ARMH1: variants seen among roughly 807,000 people sequenced by gnomAD.
The protein encoded by ARMH1 is armadillo-like helical domain containing protein 1.
In ARMH1, 34 loss-of-function variants were observed where a neutral mutation model predicts 50.2. The ratio of observed to expected loss-of-function variants is 0.68; its 90% CI spans 0.51 to 0.90. The LOEUF (loss-of-function observed/expected upper bound fraction) is 0.90, where lower values mean the gene tolerates loss of function less well. ARMH1 is among the 40% of genes least tolerant of loss of function. The probability of loss-of-function intolerance (pLI) is 0.00; values close to 1 mark genes in which losing one functional copy is unlikely to be tolerated. For synonymous variants in ARMH1, 221 were observed against 224.2 expected (o/e 0.99, Z 0.13); for missense variants, 538 against 553.9 (o/e 0.97, Z 0.29).
chr1:44,690,939 C>G (rs1480376573), intron 2 of ARMH1, among the ~76,000 whole-genome samples: 1 of 151,510 alleles, frequency 6.6e-6, no homozygotes, highest in African/African-American at 2.4e-5. Flanking sequence ...AGGCATAAGA[C>G]ACCGCGCCCA....
rs1647806707 is a variant in ARMH1, at chr1:44,723,947, CCCT to C, written c.725-168_725-166del. The C allele has an allele frequency of 2.2e-5, 17 of 756,420 alleles. No individual in the cohort carries two copies. The South Asian group carries it at 3.7e-4, about 16-fold the overall frequency. The allele number at this position is 756,420 out of a possible 1,614,324, so 46.9% of individuals were successfully genotyped here. On this transcript the variant is annotated intron_variant, in intron 6 of 11. Transcript: ENST00000535358. Reference sequence around the variant, plus strand: ...AACCCTTCCTCCTCCCCCTTCAGCCCCCTCCTCCTGCTCTTCAACTGAGGTTCG... The same window carrying C: ...AACCCTTCCTCCTCCCCCTTCAGCCCCCTCCTGCTCTTCAACTGAGGTTCG...
intron 5 of ARMH1, among the ~76,000 whole-genome samples, chr1:44,702,545 C>T (rs1162733326): frequency 6.6e-6 from 1 of 151,714 alleles, no homozygotes; most frequent in East Asian, 1.9e-4. Context: ...AACTCTGTCT[C>T]TACTAAAAAT....
intron 6 of ARMH1, 164 bp from the exon 7 acceptor site, chr1:44,723,958 C>T (rs538513163): frequency 1.6e-5 from 13 of 827,766 alleles, no homozygotes; most frequent in African/African-American, 1.8e-5. Context: ...CCTCCTCCTG[C>T]TCTTCAACTG....
chr1:44,690,402 G>C (rs1179766562), intron 2 of ARMH1, among the ~76,000 whole-genome samples: 3 of 151,872 alleles, frequency 2.0e-5, no homozygotes, highest in Admixed American at 2.0e-4. Context: ...ACCTATAATT[G>C]TATTTCTTTC....
chr1:44,721,700 A>C (rs192346231), intron 6 of ARMH1: 1 of 152,084 alleles, frequency 6.6e-6, no homozygotes, highest in African/African-American at 2.4e-5. Context: ...CTCCGCTACA[A>C]CCTGGGTGAC....
Position 44,725,375 on chromosome 1 carries a change from T to TC in ARMH1, c.1296dup (p.Glu433ArgfsTer66). 6.4e-7 allele frequency: 1 copy of TC among 1,551,636 alleles called. No homozygotes were observed. The highest frequency in any genetic ancestry group is 8.7e-7 in the Non-Finnish European group (1 of 1,146,980). On this transcript the variant is annotated frameshift_variant, in exon 12 of 12. Transcript: ENST00000535358. LOFTEE classifies it low-confidence loss of function (END_TRUNC). ...GCTCAGATGGCCTACCTCACACACT[T>TC]CGAGGAGGATGTAGAATCAAAGGAG...
chr1:44,697,239 C>A, intron 3 of ARMH1, 69 bp downstream of exon 3: 1 of 1,248,338 alleles, frequency 8.0e-7, no homozygotes, highest in Non-Finnish European at 1.1e-6. Context: ...CTTTGGCATT[C>A]ACACCACCCA....
In ARMH1 at chr1:44,724,816, G is replaced by A. The variant is rs1425728619; in HGVS notation, c.1105G>A (p.Glu369Lys). 4 of 1,542,664 alleles carry A rather than the reference G, an allele frequency of 2.6e-6. No individual in the cohort carries two copies. The highest frequency in any genetic ancestry group is 2.0e-5 in the Admixed American group (1 of 50,960). ...VAEHVRKCMG[E>K]ELYQLFLSNA... is the part of the protein sequence containing the mutation. ...GGAGCACGTGCGCAAGTGCATGGGG[G>A]AGGAACTCTACCAGCTCTTCCTGGT... The change falls in exon 10 of 12, where the codon GAG (glutamate) becomes AAG (lysine). Residue 369 changes from glutamate (E) to lysine (K), a missense_variant. By Grantham distance (56) the Glu-to-Lys change is moderately conservative. Transcript: ENST00000535358. This position sits in a 1 kb window ranked among gnomAD's most constrained non-coding sequence, Gnocchi z 6.4.
At chr1:44,701,160 G>A (rs975760904) in intron 5 of ARMH1, 41 bp downstream of exon 5, 3 of 1,491,328 alleles carry the variant, frequency 2.0e-6, no homozygotes, top group African/African-American at 2.8e-5. Flanking sequence ...TGATTCAGAT[G>A]CAATAATCTT....
intron 6 of ARMH1, among the ~76,000 whole-genome samples, chr1:44,719,038 A>AAAAAAAAAAAAAC: frequency 6.6e-6 from 1 of 151,636 alleles, no homozygotes; most frequent in Non-Finnish European, 1.5e-5. Context: ...AAAAAAAAAA[A>AAAAAAAAAAAAAC]AAAAAAAAAG....
At position 44,681,307 on chromosome 1, in the gene ARMH1, T is replaced by C. The variant is rs1482419776; in HGVS notation, c.-23+6434T>C. On this transcript the variant is annotated intron_variant, in intron 1 of 11. Transcript: ENST00000535358. This position sits in a 1 kb window ranked among gnomAD's most constrained non-coding sequence, Gnocchi z 4.3. ...ACTGCGCCCGGCCGTGAGGCTCCAT[T>C]TCTAAAAAATTTTTTTAAGTTAGCC... is the stretch of plus-strand genomic sequence containing the variant. Among the ~76,000 whole-genome samples, 1 of 151,994 alleles carries C rather than the reference T, an allele frequency of 6.6e-6. No individual in the cohort carries two copies. Among genetic ancestry groups the C allele is most frequent in the African/African-American group, 2.4e-5 (1 of 41,386 alleles).
In ARMH1 at chr1:44,680,321, C is replaced by T. The variant is rs2883747; in HGVS notation, c.-23+5448C>T. 6.1e-3 allele frequency among the ~76,000 whole-genome samples: 929 copies of T among 152,284 alleles called. 10 individuals carry two copies. Among genetic ancestry groups the T allele is most frequent in the African/African-American group, 0.021 (874 of 41,556 alleles). ...CCTCCCGAGTAGCTGGGACTACAGG[C>T]GCGTGCCACCACACCCAGCTAATTT... On this transcript the variant is annotated intron_variant, in intron 1 of 11. Coordinates refer to ENST00000535358, the MANE Select transcript of ARMH1 (RefSeq NM_001145636.2).
intron 2 of ARMH1, among the ~76,000 whole-genome samples, chr1:44,693,194 G>C (rs891683645): frequency 6.6e-6 from 1 of 152,240 alleles, no homozygotes; most frequent in African/African-American, 2.4e-5. Context: ...TGTAGTGCCA[G>C]TGGTCCCCGG....
At chr1:44,716,841 ATTCTTTT>A (rs1220129199) in intron 6 of ARMH1, among the ~76,000 whole-genome samples, 15 of 149,430 alleles carry the variant, frequency 1.0e-4, no homozygotes, top group African/African-American at 3.5e-4. Flanking sequence ...AATCCGAACT[ATTCTTTT>A]TTCTTTTTTT....
intron 6 of ARMH1, among the ~76,000 whole-genome samples, chr1:44,712,535 CAA>C (rs35480137): frequency 0.012 from 764 of 64,800 alleles, 4 homozygotes; most frequent in African/African-American, 0.036. Flanking sequence ...CAGGGAACCG[CAA>C]AAAAAAAAAA....
chr1:44,690,098 A>G (rs1271924225), intron 2 of ARMH1, among the ~76,000 whole-genome samples, 195 bp downstream of exon 2: 2 of 151,972 alleles, frequency 1.3e-5, no homozygotes, highest in African/African-American at 4.8e-5. Context: ...GGTGCCTGTA[A>G]CCCCAACTAC....
At chr1:44,709,050 T>C (rs1646466405) in intron 6 of ARMH1, among the ~76,000 whole-genome samples, 1 of 152,174 alleles carries the variant, frequency 6.6e-6, no homozygotes, top group South Asian at 2.1e-4. Context: ...TTTAGGGATG[T>C]ACACCCCTCC....
chr1:44,689,600 T>C (rs1645589315), intron 1 of ARMH1, 76 bp from the exon 2 acceptor site: 4 of 1,169,040 alleles, frequency 3.4e-6, no homozygotes, highest in African/African-American at 3.1e-5. Context: ...CTGCCTGCAG[T>C]TGATTGCTAG....
rs562777927 is a variant in ARMH1, at chr1:44,691,735, C to CTATATATATGGGT, written c.206+1832_206+1833insTATATATATGGGT. Among the ~76,000 whole-genome samples, 21 of 152,288 alleles carry CTATATATATGGGT rather than the reference C, an allele frequency of 1.4e-4. No homozygotes were observed. In the East Asian group the frequency reaches 3.7e-3, roughly 27 times the overall value. On this transcript the variant is annotated intron_variant, in intron 2 of 11. Transcript: ENST00000535358. The stretch of plus-strand genomic sequence containing the variant: ...AATCTGAGTTCCATACCTATATATC[C>CTATATATATGGGT]AACTATTCCATACCCATATATCCAT...
Sources: gnomAD v4.1 joint callset for allele counts (sites outside exome capture counted in the v4.1 genomes callset) on GRCh38, gnomAD v4.1.1 for gene constraint, Gnocchi (gnomAD v3.1) non-coding constraint, MANE v1.5 for transcripts, NCBI Gene and HGNC (gene_info 2026-07-23, HGNC 2026-07-21) for gene names.